LDB2: variants seen among roughly 807,000 people sequenced by gnomAD.
The protein encoded by LDB2 is LIM domain-binding protein 2.
In LDB2, 12 loss-of-function variants were observed where a neutral mutation model predicts 44.3. The ratio of observed to expected loss-of-function variants is 0.27; its 90% CI spans 0.17 to 0.44. LDB2 has a LOEUF of 0.44. Ranked by LOEUF, LDB2 falls within the 20% of genes least tolerant of loss-of-function variation. The pLI is 1.00. For synonymous variants in LDB2, 164 were observed against 174.8 expected (o/e 0.94, Z 0.49); for missense variants, 344 against 473.5 (o/e 0.73, Z 2.54).
chr4:16,765,671 C>T (rs558323878), intron 1 of LDB2, among the ~76,000 whole-genome samples: 53 of 152,320 alleles, frequency 3.5e-4, no homozygotes, highest in African/African-American at 9.6e-4. Flanking sequence ...CCTACCCACA[C>T]GGCGAGTAAG....
At chr4:16,594,166 G>T (rs1720080723) in intron 3 of LDB2, among the ~76,000 whole-genome samples, 1 of 147,940 alleles carries the variant, frequency 6.8e-6, no homozygotes, top group African/African-American at 2.5e-5. Flanking sequence ...AAGCCTAGAG[G>T]AAAAAAGAAA....
intron 2 of LDB2, among the ~76,000 whole-genome samples, chr4:16,728,154 GA>G (rs1759934727): frequency 6.6e-6 from 1 of 152,242 alleles, no homozygotes; most frequent in African/African-American, 2.4e-5. Flanking sequence ...GCAGGGTGTG[GA>G]AAGAAGGATA....
At chr4:16,854,125 G>A (rs995493331) in intron 1 of LDB2, among the ~76,000 whole-genome samples, 1 of 151,882 alleles carries the variant, frequency 6.6e-6, no homozygotes, top group Non-Finnish European at 1.5e-5. Context: ...TACTAAATGA[G>A]TAGATTTTAG....
intron 2 of LDB2, among the ~76,000 whole-genome samples, chr4:16,658,828 C>T (rs756378932): frequency 6.6e-6 from 1 of 152,178 alleles, no homozygotes; most frequent in Non-Finnish European, 1.5e-5. Context: ...GTATCTTTAG[C>T]TCCGTTTACA....
intron 1 of LDB2, among the ~76,000 whole-genome samples, chr4:16,832,033 C>T (rs1463223463): frequency 2.0e-5 from 3 of 152,132 alleles, no homozygotes; most frequent in African/African-American, 4.8e-5. Flanking sequence ...TGTCTGAATT[C>T]GTAACAAAAC....
At chr4:16,698,421 A>G (rs1752681578) in intron 2 of LDB2, among the ~76,000 whole-genome samples, 1 of 152,188 alleles carries the variant, frequency 6.6e-6, no homozygotes, top group African/African-American at 2.4e-5. Context: ...CTCTTTCCAC[A>G]CACCTCACAG....
chr4:16,695,333 C>G (rs559119605), intron 2 of LDB2, among the ~76,000 whole-genome samples: 57 of 152,066 alleles, frequency 3.7e-4, no homozygotes, highest in African/African-American at 1.4e-3. Context: ...GAGTTCGAGA[C>G]CAGCCTGGCC....
At chr4:16,671,043 A>T (rs1424902550) in intron 2 of LDB2, among the ~76,000 whole-genome samples, 1 of 151,826 alleles carries the variant, frequency 6.6e-6, no homozygotes, top group Non-Finnish European at 1.5e-5. Flanking sequence ...TCAGAAATAG[A>T]TCTTTAACTG....
Position 16,647,087 on chromosome 4 carries a change from C to T in LDB2, c.236-51212G>A, listed in dbSNP as rs532165999. The stretch of plus-strand genomic sequence containing the variant: ...ATTCATCAATTGAGGAACAGTTAAA[C>T]GAAATTTGTCACATCCATATAAAGG... On this transcript the variant is annotated intron_variant, in intron 2 of 7. Coordinates refer to ENST00000304523, the MANE Select transcript of LDB2 (RefSeq NM_001290.5). Among the ~76,000 whole-genome samples the T allele has an allele frequency of 7.9e-5, 12 of 152,006 alleles. No individual in the cohort carries two copies. The South Asian group carries it at 1.5e-3, about 18-fold the overall frequency.
intron 1 of LDB2, among the ~76,000 whole-genome samples, chr4:16,829,427 T>G (rs1783656694): frequency 6.6e-6 from 1 of 152,196 alleles, no homozygotes; most frequent in South Asian, 2.1e-4. Flanking sequence ...AAGAAAACTT[T>G]TATTTGAAAA....
intron 5 of LDB2, among the ~76,000 whole-genome samples, chr4:16,515,079 C>T (rs1422490965): frequency 6.6e-6 from 1 of 152,188 alleles, no homozygotes; most frequent in African/African-American, 2.4e-5. Flanking sequence ...ATGTGGTACA[C>T]ATTCACCATA....
chr4:16,849,353 T>C (rs890529590), intron 1 of LDB2, among the ~76,000 whole-genome samples: 2 of 152,234 alleles, frequency 1.3e-5, no homozygotes, highest in African/African-American at 4.8e-5. Flanking sequence ...TTCTTTTTCT[T>C]TTAAAAATTG....
At chr4:16,741,551 A>C (rs1763246532) in intron 2 of LDB2, 1 of 152,248 alleles carries the variant, frequency 6.6e-6, no homozygotes, top group African/African-American at 2.4e-5. Flanking sequence ...AGATCAGGAA[A>C]ACACAAGACA....
chr4:16,665,680 GAA>G (rs1236631902), intron 2 of LDB2, among the ~76,000 whole-genome samples: 1 of 152,012 alleles, frequency 6.6e-6, no homozygotes, highest in Non-Finnish European at 1.5e-5. Context: ...ACAGGGGGAA[GAA>G]AAAGAGTTAT....
chr4:16,629,633 T>G lies in LDB2; in HGVS notation c.236-33758A>C, dbSNP rs141710675. 2.7e-3 allele frequency among the ~76,000 whole-genome samples: 414 copies of G among 152,014 alleles called. 2 individuals carry two copies. Among genetic ancestry groups the G allele is most frequent in the Non-Finnish European group, 5.0e-3 (342 of 67,956 alleles). ...GCTTCAGAAGATTGGTAATAACAAATTTCTCCAAGCTGAAGGAGCATGTTC... is the reference window on the plus strand; with the variant it reads ...GCTTCAGAAGATTGGTAATAACAAAGTTCTCCAAGCTGAAGGAGCATGTTC... On this transcript the variant is annotated intron_variant, in intron 2 of 7. Coordinates refer to ENST00000304523, the MANE Select transcript of LDB2 (RefSeq NM_001290.5).
chr4:16,878,890 A>G (rs1055350155), intron 1 of LDB2, among the ~76,000 whole-genome samples: 2 of 152,196 alleles, frequency 1.3e-5, no homozygotes, highest in East Asian at 1.9e-4. Flanking sequence ...ATTGCCACCA[A>G]TATAGGTCAG....
intron 2 of LDB2, among the ~76,000 whole-genome samples, chr4:16,625,210 C>T (rs1251203533): frequency 6.6e-6 from 1 of 152,204 alleles, no homozygotes; most frequent in South Asian, 2.1e-4. Flanking sequence ...TCCAGCAGCA[C>T]AGAACTTCTT....
At chr4:16,616,988 A>G (rs1265460986) in intron 2 of LDB2, among the ~76,000 whole-genome samples, 3 of 152,040 alleles carry the variant, frequency 2.0e-5, no homozygotes, top group Non-Finnish European at 2.9e-5. Context: ...TTATCCCTCT[A>G]TCTTTCCCTC....
Position 16,766,502 on chromosome 4 carries a change from GTGTATA to G in LDB2, c.133-7248_133-7243del, listed in dbSNP as rs1341348077. On this transcript the variant is annotated intron_variant, in intron 1 of 7. Coordinates refer to ENST00000304523, the MANE Select transcript of LDB2 (RefSeq NM_001290.5). ...TGTGTGTGTGTGTGTGTGTGTGTGT[GTGTATA>G]TATTTTTTTTTTTTTGAGACAGAAT... 1.9e-3 allele frequency among the ~76,000 whole-genome samples: 163 copies of G among 88,032 alleles called. 5 individuals are homozygous for G. Among genetic ancestry groups the G allele is most frequent in the Middle Eastern group, 0.017 (2 of 120 alleles). The allele number at this position is 88,032 out of a possible 152,430, so 57.8% of individuals were successfully genotyped here. A position where few individuals can be genotyped will look rare whatever the true frequency, so the allele number is the denominator to read the frequency against.
Sources: allele counts gnomAD v4.1 joint callset (sites outside exome capture counted in the v4.1 genomes callset), GRCh38; gene constraint gnomAD v4.1.1; transcripts MANE v1.5; gene names NCBI Gene and HGNC (gene_info 2026-07-23, HGNC 2026-07-21).